The following FAM184B variants were observed in gnomAD, a reference collection of about 807,000 sequenced individuals.
FAM184B encodes family with sequence similarity 184 member B, also known as protein FAM184B.
In FAM184B, 111 loss-of-function variants were observed where a neutral mutation model predicts 135.9. The observed-to-expected ratio is 0.82, with a 90% CI of 0.70 to 0.96. The LOEUF (loss-of-function observed/expected upper bound fraction) is 0.96, where lower values mean the gene tolerates loss of function less well. Ranked by LOEUF, FAM184B falls within the 40% of genes least tolerant of loss-of-function variation. The pLI is 0.00. For missense variants in FAM184B, 1,375 were observed against 1,323.9 expected, an observed-to-expected ratio of 1.04 and a Z score of -0.60; for synonymous variants, 552 against 524.8, an observed-to-expected ratio of 1.05 and a Z score of -0.71.
intron 8 of FAM184B, among the ~76,000 whole-genome samples, chr4:17,662,850 G>T (rs10939744): frequency 0.51 from 78,172 of 152,084 alleles, 22,902 homozygotes; most frequent in East Asian, 0.83. Flanking sequence ...GGTGGGAAAT[G>T]GTGTCTCACT....
intron 7 of FAM184B, among the ~76,000 whole-genome samples, chr4:17,664,889 T>C (rs1716010236): frequency 1.3e-5 from 2 of 152,098 alleles, no homozygotes; most frequent in South Asian, 4.1e-4. Context: ...CTGTATCCTG[T>C]TTTTCAGTCT....
At chr4:17,725,045 G>A (rs1213900965) in intron 1 of FAM184B, among the ~76,000 whole-genome samples, 1 of 152,112 alleles carries the variant, frequency 6.6e-6, no homozygotes, top group Non-Finnish European at 1.5e-5. Flanking sequence ...GTCTCTGGGG[G>A]ACTCACCGCT....
Position 17,705,150 on chromosome 4 carries a change from G to A in FAM184B, c.1227C>T (p.Asp409=), listed in dbSNP as rs751120400. Residue 409 remains aspartate, a synonymous_variant, in exon 5 of 18, where the codon GAC becomes GAT. Coordinates refer to ENST00000265018, the MANE Select transcript of FAM184B (RefSeq NM_015688.2). ...CTGTCTGATGTTTGATTTTACGAAG[G>A]TCTTCTTCATATTGTTGCTTCATAT... is the stretch of plus-strand genomic sequence containing the variant. ...TEYMKQQYEE[D]LRKIKHQTEE... is the part of the protein sequence containing the mutation. The A allele has an allele frequency of 4.5e-6, 7 of 1,551,612 alleles. No individual in the cohort carries two copies. In the African/African-American group the frequency reaches 5.5e-5, roughly 12 times the overall value.
intron 6 of FAM184B, 134 bp from the exon 7 acceptor site, chr4:17,688,665 C>A (rs1400098623): frequency 4.6e-5 from 17 of 369,156 alleles, no homozygotes; most frequent in East Asian, 6.3e-5. Flanking sequence ...ATTCTACACA[C>A]ACTTCTAGAA....
intron 6 of FAM184B, among the ~76,000 whole-genome samples, chr4:17,691,222 G>T (rs1351227443): frequency 6.6e-6 from 1 of 152,202 alleles, no homozygotes; most frequent in African/African-American, 2.4e-5. Flanking sequence ...GCAATGTTGG[G>T]AAAGTGATTT....
At chr4:17,700,093 T>C (rs551059490) in intron 5 of FAM184B, among the ~76,000 whole-genome samples, 2 of 151,872 alleles carry the variant, frequency 1.3e-5, no homozygotes, top group Admixed American at 6.6e-5. Flanking sequence ...AGCTAGAAAA[T>C]GGAATACCCC....
rs746400135 is a variant in FAM184B, at chr4:17,647,676, C to G, written c.2307G>C (p.Gln769His). The stretch of plus-strand genomic sequence containing the variant: ...TGTGATCCTTGCTGTCTCCTGGACA[C>G]TGGCTGCTGGCTTGCTGTCTGCCCA... Reference protein sequence around the residue: ...RALGRQQASSQCPGDSKDHII... With the variant: ...RALGRQQASSHCPGDSKDHII... Residue 769 changes from glutamine (Q) to histidine (H), a missense_variant, in exon 12 of 18, where the codon CAG becomes CAC. Physicochemically the swap from Gln to His is conservative, Grantham distance 24 (BLOSUM62 0). Transcript: ENST00000265018. 3.9e-6 allele frequency: 6 copies of G among 1,550,968 alleles called. No homozygotes were observed. The South Asian group carries it at 6.0e-5, about 15-fold the overall frequency.
At chr4:17,700,492 A>G (rs1303310904) in intron 5 of FAM184B, among the ~76,000 whole-genome samples, 1 of 152,262 alleles carries the variant, frequency 6.6e-6, no homozygotes, top group Non-Finnish European at 1.5e-5. Flanking sequence ...TTCAATTTAC[A>G]TGAAACAAAA....
At chr4:17,684,014 T>C (rs950451032) in intron 7 of FAM184B, among the ~76,000 whole-genome samples, 2 of 151,196 alleles carry the variant, frequency 1.3e-5, no homozygotes, top group Non-Finnish European at 2.9e-5. Flanking sequence ...AATCGAGGAT[T>C]GCAGTGAGCC....
intron 1 of FAM184B, among the ~76,000 whole-genome samples, chr4:17,765,575 C>G (rs1380301047): frequency 6.6e-6 from 1 of 152,150 alleles, no homozygotes; most frequent in Non-Finnish European, 1.5e-5. Flanking sequence ...GTATAAAAAA[C>G]AGTAGAAGCT....
chr4:17,636,803 C>CT (rs1049247975), intron 14 of FAM184B, among the ~76,000 whole-genome samples, 158 bp from the exon 15 acceptor site: 1 of 152,146 alleles, frequency 6.6e-6, no homozygotes, highest in Non-Finnish European at 1.5e-5. Context: ...GGGGAGATGG[C>CT]TTGCCGAACC....
intron 15 of FAM184B, among the ~76,000 whole-genome samples, chr4:17,636,254 C>T (rs1445865686): frequency 1.3e-5 from 2 of 152,092 alleles, no homozygotes; most frequent in Non-Finnish European, 2.9e-5. Context: ...TACAGATGCC[C>T]ACAACCACAC....
chr4:17,762,409 G>C (rs551562006), intron 1 of FAM184B, among the ~76,000 whole-genome samples: 1 of 152,272 alleles, frequency 6.6e-6, no homozygotes, highest in South Asian at 2.1e-4. Flanking sequence ...GCTGGGCATG[G>C]CTAAGGGGAT....
chr4:17,671,737 C>A (rs1716172784), intron 7 of FAM184B, among the ~76,000 whole-genome samples: 1 of 151,588 alleles, frequency 6.6e-6, no homozygotes, highest in African/African-American at 2.4e-5. Context: ...AGTTGCTTAC[C>A]AAGATAAAGA....
intron 7 of FAM184B, among the ~76,000 whole-genome samples, chr4:17,675,400 C>G (rs1716290469): frequency 6.6e-6 from 1 of 152,110 alleles, no homozygotes; most frequent in Admixed American, 6.5e-5. Context: ...AACAGATGTG[C>G]TATCATACAG....
At position 17,705,633 on chromosome 4, in the gene FAM184B, A is replaced by G. The variant is rs1717092145; in HGVS notation, c.1170+119T>C. 1.5e-5 allele frequency: 18 copies of G among 1,217,006 alleles called. 1 individual carries two copies. Among genetic ancestry groups the G allele is most frequent in the Non-Finnish European group, 1.9e-5 (17 of 887,080 alleles). The allele number at this position is 1,217,006 out of a possible 1,614,324, so 75.4% of individuals were successfully genotyped here. ...GCTGGAATTCTACTCCAGGAACTAC[A>G]GGGTCTTCTGATTCCAAGTGGATCC... On this transcript the variant is annotated intron_variant, in intron 4 of 17. Coordinates refer to ENST00000265018, the MANE Select transcript of FAM184B (RefSeq NM_015688.2).
chr4:17,764,194 G>A (rs1171841446), intron 1 of FAM184B, among the ~76,000 whole-genome samples: 2 of 152,182 alleles, frequency 1.3e-5, no homozygotes, highest in African/African-American at 4.8e-5. Flanking sequence ...CAAGGAAAAC[G>A]GAAGAGGGGA....
At chr4:17,639,469 T>A in intron 13 of FAM184B, 73 bp from the exon 14 acceptor site, 1 of 1,510,674 alleles carries the variant, frequency 6.6e-7, no homozygotes, top group South Asian at 1.2e-5. Flanking sequence ...GGGGTTTATT[T>A]CCCTCATCGC....
chr4:17,745,376 A>G (rs2108985406), intron 1 of FAM184B, among the ~76,000 whole-genome samples: 1 of 152,264 alleles, frequency 6.6e-6, no homozygotes, highest in East Asian at 1.9e-4. Context: ...TATTCACAAC[A>G]AAGCTTGATT....
Sources: allele counts gnomAD v4.1 joint callset (sites outside exome capture counted in the v4.1 genomes callset), GRCh38; gene constraint gnomAD v4.1.1; transcripts MANE v1.5; gene names NCBI Gene and HGNC (gene_info 2026-07-23, HGNC 2026-07-21).